BCAS4: variants seen among roughly 807,000 people sequenced by gnomAD.
BCAS4 encodes breast carcinoma amplified sequence 4.
BCAS4 carries 9 observed loss-of-function variants against 15.7 expected under a neutral mutation model. The observed-to-expected ratio is 0.57, with a 90% CI of 0.34 to 1.00. The LOEUF is 1.00. Ranked by LOEUF, BCAS4 falls within the 50% of genes least tolerant of loss-of-function variation. BCAS4 has a pLI of 0.02. For missense variants in BCAS4, 225 were observed against 239.1 expected (o/e 0.94, Z 0.39); for synonymous variants, 101 against 99.5 (o/e 1.02, Z -0.09).
intron 2 of BCAS4, among the ~76,000 whole-genome samples, chr20:50,824,181 C>A (rs2123783675): frequency 6.6e-6 from 1 of 152,332 alleles, no homozygotes; most frequent in South Asian, 2.1e-4. Flanking sequence ...CTTGTCCAGT[C>A]CCTCTGAAAC....
chr20:50,858,496 G>A (rs2123832024), intron 4 of BCAS4, among the ~76,000 whole-genome samples: 1 of 152,198 alleles, frequency 6.6e-6, no homozygotes, highest in East Asian at 1.9e-4. Flanking sequence ...CAGCTACTTG[G>A]GAGGGTGAGG....
chr20:50,840,172 C>T (rs979494373), intron 3 of BCAS4, among the ~76,000 whole-genome samples: 1 of 152,220 alleles, frequency 6.6e-6, no homozygotes, highest in African/African-American at 2.4e-5. Flanking sequence ...GTACCATGCC[C>T]AGCCAGAATT....
Position 50,830,440 on chromosome 20 carries a change from C to T in BCAS4, c.264+60C>T, listed in dbSNP as rs531176430. On this transcript the variant is annotated intron_variant, in intron 3 of 4. Transcript: ENST00000371608. ...GACTTGATCTTGCTTTTGCCTTTTCCGCAAAGACGCCGATCTGGCCTTGAG... is the reference window on the plus strand; with the variant it reads ...GACTTGATCTTGCTTTTGCCTTTTCTGCAAAGACGCCGATCTGGCCTTGAG... 123 of 1,400,014 alleles carry T rather than the reference C, an allele frequency of 8.8e-5. No homozygotes were observed. The African/African-American group carries it at 1.0e-3, about 11-fold the overall frequency. 86.7% of individuals were successfully genotyped at this position (1,400,014 alleles called of 1,614,324 possible). A position where few individuals can be genotyped will look rare whatever the true frequency, so the allele number is the denominator to read the frequency against.
downstream of BCAS4, chr20:50,881,373 C>T (rs1980114267): frequency 1.3e-5 from 2 of 152,072 alleles, no homozygotes; most frequent in Admixed American, 1.3e-4. Flanking sequence ...GAAAACTCAA[C>T]CAAAAAATCC....
intron 4 of BCAS4, among the ~76,000 whole-genome samples, chr20:50,843,266 G>A (rs1211176568): frequency 1.3e-5 from 2 of 152,152 alleles, no homozygotes; most frequent in Non-Finnish European, 2.9e-5. Context: ...CTTATTGAGT[G>A]CTTACAAGGT....
Position 50,818,270 on chromosome 20 carries a change from C to A in BCAS4, c.150C>A (p.Ser50Arg), listed in dbSNP as rs1398963839. 2 of 1,613,380 alleles carry A rather than the reference C, an allele frequency of 1.2e-6. No individual in the cohort carries two copies. Among genetic ancestry groups the A allele is most frequent in the East Asian group, 4.5e-5 (2 of 44,876 alleles). ...TCCTCAGGCTGGAAGAGTTTTGCAG[C>A]CTGGCTGACCTGGTGAGTGGCTGCC... ...GMLLRLEEFCSLADLIRSDTS... is the reference protein window; with the variant it reads ...GMLLRLEEFCRLADLIRSDTS... The change falls in exon 2 of 5, where the codon AGC becomes AGA. Residue 50 changes from serine (S) to arginine (R), a missense_variant. Ser to Arg is a moderately radical substitution (Grantham distance 110, BLOSUM62 -1). Coordinates refer to ENST00000371608, the MANE Select transcript of BCAS4 (RefSeq NM_198799.4).
In BCAS4 at chr20:50,830,358, A is replaced by G. The variant is rs774841505; in HGVS notation, c.242A>G (p.Tyr81Cys). Residue 81 changes from tyrosine (Y) to cysteine (C), a missense_variant, in exon 3 of 5, where the codon TAT becomes TGT. Transcript: ENST00000371608. The part of the protein sequence containing the change: ...KAKLTEMRGI[Y>C]AKVDRLEAFV... ...AAACTGACAGAAATGCGTGGCATCT[A>G]TGCCAAAGTGGACCGGCTAGAGGTA... 1 of 1,613,686 alleles carries G rather than the reference A, an allele frequency of 6.2e-7. No homozygotes were observed. Among genetic ancestry groups the G allele is most frequent in the East Asian group, 2.2e-5 (1 of 44,874 alleles).
At chr20:50,843,153 C>T (rs891417740) in intron 4 of BCAS4, among the ~76,000 whole-genome samples, 4 of 152,062 alleles carry the variant, frequency 2.6e-5, no homozygotes, top group Admixed American at 6.5e-5. Context: ...GACAGAGGCT[C>T]GCTTTGCTGC....
At chr20:50,795,638 G>A (rs1381673591) in intron 1 of BCAS4, among the ~76,000 whole-genome samples, 1 of 152,232 alleles carries the variant, frequency 6.6e-6, no homozygotes, top group Non-Finnish European at 1.5e-5. Context: ...GTGAAAAGCA[G>A]ATCTAAAACG....
chr20:50,866,584 G>A (rs937636671), intron 4 of BCAS4, among the ~76,000 whole-genome samples: 8 of 152,196 alleles, frequency 5.3e-5, no homozygotes, highest in Admixed American at 2.6e-4. Flanking sequence ...TCTGCAAGCC[G>A]GATGCTGACC....
downstream of BCAS4, chr20:50,878,030 A>T (rs1287150077): frequency 6.6e-6 from 1 of 152,252 alleles, no homozygotes; most frequent in Non-Finnish European, 1.5e-5. Flanking sequence ...ACTGCACTCT[A>T]GCCTGGGTAA....
chr20:50,830,972 T>C (rs1054349024), intron 3 of BCAS4, among the ~76,000 whole-genome samples: 3 of 152,204 alleles, frequency 2.0e-5, no homozygotes, highest in Non-Finnish European at 4.4e-5. Flanking sequence ...TTTCCTTAAA[T>C]ACTTTAATCT....
chr20:50,834,496 T>C (rs1254048586), intron 3 of BCAS4, among the ~76,000 whole-genome samples: 1 of 152,100 alleles, frequency 6.6e-6, no homozygotes, highest in Non-Finnish European at 1.5e-5. Context: ...GGTTTCACCA[T>C]GTTGGCCAGG....
chr20:50,850,945 C>T (rs1431118051), intron 4 of BCAS4, among the ~76,000 whole-genome samples: 1 of 152,194 alleles, frequency 6.6e-6, no homozygotes, highest in African/African-American at 2.4e-5. Context: ...AGGCCATGGG[C>T]GGAGCTGCCC....
intron 1 of BCAS4, among the ~76,000 whole-genome samples, chr20:50,804,687 T>C (rs544931731): frequency 6.6e-6 from 1 of 152,348 alleles, no homozygotes; most frequent in South Asian, 2.1e-4. Context: ...TCGTTACTGT[T>C]GCCAAATTAA....
At chr20:50,881,659 A>G (rs1980118469), downstream of BCAS4, 1 of 151,498 alleles carries the variant, frequency 6.6e-6, no homozygotes, top group East Asian at 1.9e-4. Flanking sequence ...TGATGACACT[A>G]TTGAATTTTT....
At chr20:50,799,124 C>G (rs551601112) in intron 1 of BCAS4, among the ~76,000 whole-genome samples, 2 of 152,262 alleles carry the variant, frequency 1.3e-5, no homozygotes, top group South Asian at 4.2e-4. Context: ...ATTTCTTGTT[C>G]CTTCTCTCCC....
intron 1 of BCAS4, among the ~76,000 whole-genome samples, chr20:50,814,162 A>G (rs542010823): frequency 6.6e-6 from 1 of 152,208 alleles, no homozygotes; most frequent in East Asian, 1.9e-4. Context: ...TGCTGACCAG[A>G]CAGTCAGCAA....
At chr20:50,862,902 C>T (rs933183610) in intron 4 of BCAS4, among the ~76,000 whole-genome samples, 1 of 152,124 alleles carries the variant, frequency 6.6e-6, no homozygotes, top group Admixed American at 6.5e-5. Flanking sequence ...TGCAGTGGCA[C>T]AATCTCAGCT....
Sources: gnomAD v4.1 joint callset for allele counts (sites outside exome capture counted in the v4.1 genomes callset) on GRCh38, gnomAD v4.1.1 for gene constraint, MANE v1.5 for transcripts, NCBI Gene and HGNC (gene_info 2026-07-23, HGNC 2026-07-21) for gene names.